The following ZBTB4 variants were observed in gnomAD, a reference collection of about 807,000 sequenced individuals.
ZBTB4 encodes zinc finger and BTB domain containing 4, also known as zinc finger and BTB domain-containing protein 4.
ZBTB4 carries 14 observed loss-of-function variants against 59.8 expected under a neutral mutation model. The ratio of observed to expected loss-of-function variants is 0.23; its 90% CI spans 0.15 to 0.37. The LOEUF (loss-of-function observed/expected upper bound fraction) is 0.37. Ranked by LOEUF, ZBTB4 falls within the 10% of genes least tolerant of loss-of-function variation. The probability of loss-of-function intolerance (pLI) is 1.00; values close to 1 mark genes in which losing one functional copy is unlikely to be tolerated. For synonymous variants in ZBTB4, 587 were observed against 575.2 expected (o/e 1.02, Z -0.29); for missense variants, 1,198 against 1,380.8 (o/e 0.87, Z 2.10).
chr17:7,465,679 C>T, intron 3 of ZBTB4, 32 bp downstream of exon 3: 2 of 1,564,232 alleles, frequency 1.3e-6, no homozygotes, highest in South Asian at 2.4e-5. Flanking sequence ...TGCCAGCCTC[C>T]AGCCGCTCCC....
chr17:7,463,214 G>A lies in ZBTB4; in HGVS notation c.1768C>T (p.Arg590Trp), dbSNP rs758844316. 22 of 1,609,376 alleles carry A rather than the reference G, an allele frequency of 1.4e-5. No individual in the cohort carries two copies. The highest frequency in any genetic ancestry group is 5.3e-5 in the African/African-American group (4 of 74,938). Reference protein sequence around the residue: ...GGGGPPTGAGRGPSQLQAPPP... With the variant: ...GGGGPPTGAGWGPSQLQAPPP... ...GGAGCCTGCAGCTGAGAGGGGCCCC[G>A]GCCAGCCCCTGTGGGGGGACCCCCA... Residue 590 changes from arginine (R) to tryptophan (W), a missense_variant, in exon 4 of 4, where the codon CGG becomes TGG. Physicochemically the swap from Arg to Trp is moderately radical, Grantham distance 101. This residue lies in a region of ZBTB4 where 550 missense variants were observed against 541.8 expected (regional missense o/e 1.02). Coordinates refer to ENST00000380599, the MANE Select transcript of ZBTB4 (RefSeq NM_001128833.2).
In ZBTB4 at chr17:7,462,237, G is replaced by T. The variant is rs941586702; in HGVS notation, c.2745C>A (p.Val915=). The stretch of plus-strand genomic sequence containing the variant: ...GCGGGTAGGGCTCAGGGTAGAAAGT[G>T]ACTTTGGCAGCCCCTATCCCCTCCA... ...DRMEGIGAAK[V]TFYPEPYPLV... Residue 915 remains valine (V), a synonymous_variant, in exon 4 of 4, where the codon GTC becomes GTA. Transcript: ENST00000380599. The surrounding 1 kb of genome is among the most constrained non-coding windows in gnomAD (Gnocchi z 7.5). The T allele has an allele frequency of 6.2e-7, 1 of 1,613,630 alleles. No individual in the cohort carries two copies. The highest frequency in any genetic ancestry group is 1.3e-5 in the African/African-American group (1 of 74,862).
At chr17:7,472,934 GA>G (rs1484309962) in intron 1 of ZBTB4, among the ~76,000 whole-genome samples, 1 of 150,802 alleles carries the variant, frequency 6.6e-6, no homozygotes, top group Non-Finnish European at 1.5e-5. Context: ...ATGAGCCACT[GA>G]AACTGGCCCA....
chr17:7,479,174 G>A (rs1029248116), intron 1 of ZBTB4, among the ~76,000 whole-genome samples: 1 of 152,136 alleles, frequency 6.6e-6, no homozygotes, highest in Non-Finnish European at 1.5e-5. Flanking sequence ...TTCAAAGAGG[G>A]AGTGAGCACC....
In ZBTB4 at chr17:7,461,882, A is replaced by C; in HGVS notation, c.*58T>G. 1.4e-6 allele frequency: 2 copies of C among 1,425,758 alleles called. No individual in the cohort carries two copies. Among genetic ancestry groups the C allele is most frequent in the Non-Finnish European group, 1.9e-6 (2 of 1,056,310 alleles). 88.3% of individuals were successfully genotyped at this position (1,425,758 alleles called of 1,614,324 possible). ...GGGGCAGGGAGGCCAGGGAGCTGGTAGTGGTGGGGGGTTCAGGGAGGGTGG... is the reference window on the plus strand; with the variant it reads ...GGGGCAGGGAGGCCAGGGAGCTGGTCGTGGTGGGGGGTTCAGGGAGGGTGG... On this transcript the variant is annotated 3_prime_UTR_variant, in exon 4 of 4. Coordinates refer to ENST00000380599, the MANE Select transcript of ZBTB4 (RefSeq NM_001128833.2).
rs910115201 is a variant in ZBTB4 at position 7,460,007 on chromosome 17, G to A, written c.*1933C>T. The A allele has an allele frequency of 1.3e-5, 2 of 152,404 alleles. No homozygotes were observed. Among genetic ancestry groups the A allele is most frequent in the Admixed American group, 6.6e-5 (1 of 15,244 alleles). 9.4% of individuals were successfully genotyped at this position (152,404 alleles called of 1,614,324 possible). On this transcript the variant is annotated 3_prime_UTR_variant, in exon 4 of 4. Transcript: ENST00000380599. ...TGTGGTTCCGCTGTATAGATAGATA[G>A]ATATATAATTTGTGTGTAGATATAT...
chr17:7,477,501 C>T (rs1178559060), intron 1 of ZBTB4, among the ~76,000 whole-genome samples: 2 of 152,198 alleles, frequency 1.3e-5, no homozygotes, highest in African/African-American at 4.8e-5. Context: ...ACCCTCCCTT[C>T]CCCCACGTAC....
chr17:7,466,867 G>T lies in ZBTB4; in HGVS notation c.-9-57C>A. The T allele has an allele frequency of 6.9e-7, 1 of 1,449,108 alleles. No homozygotes were observed. Among genetic ancestry groups the T allele is most frequent in the Non-Finnish European group, 9.1e-7 (1 of 1,104,756 alleles). 89.8% of individuals were successfully genotyped at this position (1,449,108 alleles called of 1,614,324 possible). On this transcript the variant is annotated intron_variant, in intron 2 of 3. Transcript: ENST00000380599. The surrounding 1 kb of genome is among the most constrained non-coding windows in gnomAD (Gnocchi z 9.1). Reference sequence around the variant, plus strand: ...CTCAGAGGCTGGGCAGAGGGCAGGGGCTTCTAAAATCAGGCAGAGAGAGGA... The same window carrying T: ...CTCAGAGGCTGGGCAGAGGGCAGGGTCTTCTAAAATCAGGCAGAGAGAGGA...
intron 1 of ZBTB4, among the ~76,000 whole-genome samples, chr17:7,471,134 A>G (rs2150859831): frequency 6.6e-6 from 1 of 152,268 alleles, no homozygotes; most frequent in East Asian, 1.9e-4. Flanking sequence ...CTGGCCCTTA[A>G]GATCACACAC....
In ZBTB4 at chr17:7,466,632, T is replaced by C; in HGVS notation, c.170A>G (p.Glu57Gly). The C allele has an allele frequency of 6.2e-7, 1 of 1,613,814 alleles. No homozygotes were observed. Among genetic ancestry groups the C allele is most frequent in the Non-Finnish European group, 8.5e-7 (1 of 1,179,948 alleles). The change falls in exon 3 of 4, where the codon GAG (glutamate) becomes GGG (glycine). Residue 57 changes from glutamate to glycine, a missense_variant. Transcript: ENST00000380599. The surrounding 1 kb of genome is among the most constrained non-coding windows in gnomAD (Gnocchi z 9.1). ...VLAASSPFFR[E>G]ALLTSAPLPL... Reference sequence around the variant, plus strand: ...TAGTGGGGCTGAAGTGAGCAGGGCCTCTCTGAAGAAGGGACTTGAAGCAGC... The same window carrying C: ...TAGTGGGGCTGAAGTGAGCAGGGCCCCTCTGAAGAAGGGACTTGAAGCAGC...
In ZBTB4 at chr17:7,462,820, C is replaced by A; in HGVS notation, c.2162G>T (p.Arg721Leu). 3.7e-6 allele frequency: 6 copies of A among 1,602,838 alleles called. No homozygotes were observed. The highest frequency in any genetic ancestry group is 5.1e-6 in the Non-Finnish European group (6 of 1,179,752). Residue 721 changes from arginine to leucine, a missense_variant, in exon 4 of 4, where the codon CGC becomes CTC. Transcript: ENST00000380599. This position sits in a 1 kb window ranked among gnomAD's most constrained non-coding sequence, Gnocchi z 7.5. ...CCCGCATCGGTGCCTCCGCTCTGTG[C>A]GGGCACGTCCCGCTGGGCTCTCGGC... ...PAAESPAGRA[R>L]TERRHRCGDC...
At chr17:7,465,206 C>T (rs2070100834) in intron 3 of ZBTB4, among the ~76,000 whole-genome samples, 1 of 149,152 alleles carries the variant, frequency 6.7e-6, no homozygotes, top group Non-Finnish European at 1.5e-5. Context: ...CGCCTGTAAT[C>T]CCAGCACTTT....
chr17:7,480,304 GCA>G (rs1418363727), upstream of ZBTB4, among the ~76,000 whole-genome samples: 1 of 152,174 alleles, frequency 6.6e-6, no homozygotes, highest in Non-Finnish European at 1.5e-5. Context: ...CCAGGTGGAA[GCA>G]CACACAGAAA....
chr17:7,475,056 C>T (rs2070251577), intron 1 of ZBTB4, among the ~76,000 whole-genome samples: 1 of 149,934 alleles, frequency 6.7e-6, no homozygotes, highest in African/African-American at 2.5e-5. Context: ...GGCCAACTCA[C>T]GCCTGTAATC....
At chr17:7,467,214 G>A (rs1452581881) in intron 2 of ZBTB4, 43 bp downstream of exon 2, 5 of 1,018,038 alleles carry the variant, frequency 4.9e-6, no homozygotes, top group Middle Eastern at 4.9e-4. Flanking sequence ...TGCTGCCTTG[G>A]GTCTACTTTG....
chr17:7,479,043 C>G (rs892772464), intron 1 of ZBTB4, among the ~76,000 whole-genome samples: 1 of 152,188 alleles, frequency 6.6e-6, no homozygotes, highest in South Asian at 2.1e-4. Flanking sequence ...CCCTCTCTGC[C>G]TGGCTCCTAC....
upstream of ZBTB4, among the ~76,000 whole-genome samples, chr17:7,479,839 G>A (rs1051422738): frequency 2.6e-4 from 39 of 151,774 alleles, no homozygotes; most frequent in African/African-American, 9.2e-4. Flanking sequence ...CACCGAGCGG[G>A]GCGCGGGCCG....
intron 3 of ZBTB4, 62 bp downstream of exon 3, chr17:7,465,649 T>G (rs2070109034): frequency 4.6e-6 from 7 of 1,532,790 alleles, no homozygotes; most frequent in Non-Finnish European, 6.2e-6. Flanking sequence ...ACTGCCGCCC[T>G]TGTTCCTATG....
Position 7,462,938 on chromosome 17 carries a change from C to T in ZBTB4, c.2044G>A (p.Ala682Thr), listed in dbSNP as rs778125863. The change falls in exon 4 of 4, where the codon GCC becomes ACC. Residue 682 changes from alanine to threonine, a missense_variant. Physicochemically the swap from Ala to Thr is moderately conservative, Grantham distance 58 (BLOSUM62 0). Around this residue, in one of 9 missense-constraint regions of ZBTB4, gnomAD observed 550 missense variants for 541.8 expected, o/e 1.02. Transcript: ENST00000380599. The surrounding 1 kb of genome is among the most constrained non-coding windows in gnomAD (Gnocchi z 7.5). Reference protein sequence around the residue: ...PKRKAGAAGGASVGGSGLPRG... With the variant: ...PKRKAGAAGGTSVGGSGLPRG... The stretch of plus-strand genomic sequence containing the variant: ...GGCAGCCCACTGCCCCCCACACTGG[C>T]ACCTCCAGCAGCTCCAGCCTTGCGC... 6.2e-7 allele frequency: 1 copy of T among 1,608,574 alleles called. No homozygotes were observed. The highest frequency in any genetic ancestry group is 8.5e-7 in the Non-Finnish European group (1 of 1,178,462).
Sources: gnomAD v4.1 joint callset for allele counts (sites outside exome capture counted in the v4.1 genomes callset) on GRCh38, gnomAD v4.1.1 for gene constraint, gnomAD v4.1.1 regional missense constraint, Gnocchi (gnomAD v3.1) non-coding constraint, MANE v1.5 for transcripts, NCBI Gene and HGNC (gene_info 2026-07-23, HGNC 2026-07-21) for gene names.